The following AKT3 variants were observed in gnomAD, a reference collection of about 807,000 sequenced individuals.
AKT3 encodes RAC-gamma serine/threonine-protein kinase.
Under a neutral mutation model 65.3 loss-of-function variants are expected in AKT3, and 15 were observed. The observed-to-expected ratio is 0.23, with a 90% CI of 0.15 to 0.35. The LOEUF is 0.35. Among genes scored for constraint, AKT3 ranks in the 10% least tolerant of loss-of-function variants. The pLI is 1.00. For missense variants in AKT3, 243 were observed against 576.5 expected (o/e 0.42, Z 5.92); for synonymous variants, 206 against 183.8 (o/e 1.12, Z -0.98).
chr1:243,802,616 C>T (rs920827954), intron 2 of AKT3, among the ~76,000 whole-genome samples: 2 of 152,108 alleles, frequency 1.3e-5, no homozygotes, highest in African/African-American at 4.8e-5. Context: ...AGGATTCCTT[C>T]TATTTTATAT....
intron 4 of AKT3, among the ~76,000 whole-genome samples, chr1:243,661,565 TA>T (rs1366662882): frequency 3.3e-5 from 5 of 151,046 alleles, no homozygotes; most frequent in African/African-American, 4.9e-5. Flanking sequence ...CAAGATGGAT[TA>T]AAGACTTAAA....
intron 12 of AKT3, among the ~76,000 whole-genome samples, chr1:243,532,747 G>GGAA (rs1671627111): frequency 6.6e-6 from 1 of 152,126 alleles, no homozygotes; most frequent in African/African-American, 2.4e-5. Flanking sequence ...TTAAGTGTTG[G>GGAA]GTAGACTTCC....
At chr1:243,497,828 G>A (rs1214082993), downstream of AKT3, among the ~76,000 whole-genome samples, 5 of 152,086 alleles carry the variant, frequency 3.3e-5, no homozygotes, top group Middle Eastern at 3.4e-3. Flanking sequence ...ACAGGGGTGC[G>A]CCACCACACA....
intron 12 of AKT3, among the ~76,000 whole-genome samples, chr1:243,535,287 G>GT (rs929575963): frequency 1.5e-5 from 2 of 134,352 alleles, no homozygotes; most frequent in African/African-American, 6.5e-5. Context: ...TTGTATAATG[G>GT]TAAACTCTGG....
chr1:243,825,028 T>A (rs1248197805), intron 2 of AKT3, among the ~76,000 whole-genome samples: 1 of 152,034 alleles, frequency 6.6e-6, no homozygotes, highest in Non-Finnish European at 1.5e-5. Flanking sequence ...ATAGACTGAA[T>A]AAAGAAAATG....
intron 8 of AKT3, among the ~76,000 whole-genome samples, chr1:243,599,547 T>C (rs1186799103): frequency 2.6e-5 from 4 of 152,144 alleles, no homozygotes; most frequent in Non-Finnish European, 5.9e-5. Context: ...TGACACAGCA[T>C]ATTGTTTGAA....
At chr1:243,646,059 C>T in intron 4 of AKT3, 22 bp from the exon 5 acceptor site, 1 of 1,564,540 alleles carries the variant, frequency 6.4e-7, no homozygotes, top group Non-Finnish European at 8.6e-7. Context: ...AGTAAAATTT[C>T]CCATTAATAG....
chr1:243,700,303 T>G (rs1366111394), intron 2 of AKT3, among the ~76,000 whole-genome samples: 1 of 152,172 alleles, frequency 6.6e-6, no homozygotes, highest in African/African-American at 2.4e-5. Context: ...AGAAACTGTT[T>G]GCTAGAATTC....
chr1:243,809,566 T>C (rs1692990261), intron 2 of AKT3, among the ~76,000 whole-genome samples: 2 of 152,066 alleles, frequency 1.3e-5, no homozygotes, highest in Non-Finnish European at 2.9e-5. Flanking sequence ...AGACTTAGAC[T>C]CCCACACAAT....
At chr1:243,532,361 GTT>G (rs746919239) in intron 12 of AKT3, among the ~76,000 whole-genome samples, 1 of 151,558 alleles carries the variant, frequency 6.6e-6, no homozygotes, top group Non-Finnish European at 1.5e-5. Flanking sequence ...TCTTTTTACT[GTT>G]TTTATCATAA....
At chr1:243,789,203 C>A (rs1357472371) in intron 2 of AKT3, among the ~76,000 whole-genome samples, 1 of 152,176 alleles carries the variant, frequency 6.6e-6, no homozygotes, top group South Asian at 2.1e-4. Flanking sequence ...GAAAGCAAGA[C>A]CCTGTCTGTA....
chr1:243,756,731 G>C (rs1161800829), intron 2 of AKT3, among the ~76,000 whole-genome samples: 1 of 152,104 alleles, frequency 6.6e-6, no homozygotes, highest in Admixed American at 6.5e-5. Flanking sequence ...ATGAGTCAAA[G>C]AGAAACATAA....
chr1:243,525,921 G>A (rs979162303), intron 12 of AKT3, among the ~76,000 whole-genome samples: 2 of 148,704 alleles, frequency 1.3e-5, no homozygotes, highest in Non-Finnish European at 3.0e-5. Flanking sequence ...AGAAGGATAT[G>A]CAAGAGATTC....
At chr1:243,686,910 C>A (rs1372004819) in intron 3 of AKT3, among the ~76,000 whole-genome samples, 1 of 151,346 alleles carries the variant, frequency 6.6e-6, no homozygotes, top group Non-Finnish European at 1.5e-5. Flanking sequence ...AGTGATCCAC[C>A]CACCTCAGCC....
chr1:243,791,419 T>C (rs1691624664), intron 2 of AKT3, among the ~76,000 whole-genome samples: 1 of 152,254 alleles, frequency 6.6e-6, no homozygotes, highest in South Asian at 2.1e-4. Flanking sequence ...CATACTTCTC[T>C]TTGCTTCCAA....
intron 1 of AKT3, among the ~76,000 whole-genome samples, chr1:243,849,599 C>T (rs1239721075): frequency 6.6e-6 from 1 of 152,008 alleles, no homozygotes; most frequent in Non-Finnish European, 1.5e-5. Flanking sequence ...TATAACCTCG[C>T]CGCCGCCCCC....
At chr1:243,757,478 C>T (rs548682263) in intron 2 of AKT3, among the ~76,000 whole-genome samples, 9 of 151,946 alleles carry the variant, frequency 5.9e-5, no homozygotes, top group Non-Finnish European at 1.0e-4. Flanking sequence ...ATTAGCTGGG[C>T]GTGGTATCAG....
intron 2 of AKT3, among the ~76,000 whole-genome samples, chr1:243,768,857 T>C (rs1258847142): frequency 6.7e-6 from 1 of 149,220 alleles, no homozygotes; most frequent in Non-Finnish European, 1.5e-5. Flanking sequence ...AAGAGAGCGA[T>C]AGTTCACATA....
chr1:243,747,807 A>C (rs1474941044), intron 2 of AKT3, among the ~76,000 whole-genome samples: 1 of 152,230 alleles, frequency 6.6e-6, no homozygotes, highest in Non-Finnish European at 1.5e-5. Flanking sequence ...CAGTTCACTT[A>C]AGACATAGTA....
Sources: gnomAD v4.1 joint callset for allele counts (sites outside exome capture counted in the v4.1 genomes callset) on GRCh38, gnomAD v4.1.1 for gene constraint, MANE v1.5 for transcripts, NCBI Gene and HGNC (gene_info 2026-07-23, HGNC 2026-07-21) for gene names.